RANGAP1: variants seen among roughly 807,000 people sequenced by gnomAD.
RANGAP1 encodes Ran GTPase activating protein 1.
A neutral mutation model predicts 63.5 loss-of-function variants in RANGAP1; 38 were observed. The observed-to-expected ratio is 0.60, with a 90% CI of 0.46 to 0.78. RANGAP1 has a LOEUF of 0.78. Ranked by LOEUF, RANGAP1 falls within the 30% of genes least tolerant of loss-of-function variation. RANGAP1 has a pLI of 0.00. For synonymous variants in RANGAP1, 329 were observed against 310.5 expected (o/e 1.06, Z -0.63); for missense variants, 630 against 740.3 (o/e 0.85, Z 1.73).
At chr22:41,299,543 T>C in the RANGAP1 span, among the ~76,000 whole-genome samples, 4 of 152,048 alleles carry the variant, frequency 2.6e-5, no homozygotes, top group African/African-American at 7.2e-5. Context: ...TGCTAGGATT[T>C]CAGATGTGAG....
chr22:41,283,995 T>C (rs2035625597), intron 1 of RANGAP1, among the ~76,000 whole-genome samples: 1 of 152,166 alleles, frequency 6.6e-6, no homozygotes, highest in Non-Finnish European at 1.5e-5. Context: ...ACACCTATAA[T>C]CCTAGTACTT....
rs144019704 is a variant in RANGAP1 at position 41,248,864 on chromosome 22, G to A, written c.1694+466C>T. On this transcript the variant is annotated intron_variant, in intron 15 of 15. Coordinates refer to ENST00000356244, the MANE Select transcript of RANGAP1 (RefSeq NM_002883.4). ...GCTCCCGTGGCAATGTGTGTCCCCA[G>A]GAGAGGGCCCGGGGCTGCAGAGCCT... is the stretch of plus-strand genomic sequence containing the variant. Among the ~76,000 whole-genome samples the A allele has an allele frequency of 2.1e-3, 327 of 152,366 alleles. 9 individuals carry two copies. The East Asian group carries it at 0.054, about 25-fold the overall frequency.
rs552492328 is a variant in RANGAP1, at chr22:41,277,399, C to G, written c.113-2672G>C. ...GGCCGAAAGTGAGGATATATTTTTT[C>G]CCTGTTCTTTGAATGTTTCTGTATT... On this transcript the variant is annotated intron_variant, in intron 2 of 15. Coordinates refer to ENST00000356244, the MANE Select transcript of RANGAP1 (RefSeq NM_002883.4). The G allele has an allele frequency of 3.6e-6, 4 of 1,106,334 alleles. No individual in the cohort carries two copies. In the African/African-American group the frequency reaches 6.5e-5, roughly 18 times the overall value. 68.5% of individuals were successfully genotyped at this position (1,106,334 alleles called of 1,614,324 possible).
At chr22:41,297,055 C>T in the RANGAP1 span, among the ~76,000 whole-genome samples, 3 of 152,002 alleles carry the variant, frequency 2.0e-5, no homozygotes, top group African/African-American at 7.2e-5. Context: ...ACCAAAAATA[C>T]AAACATTAGC....
intron 10 of RANGAP1, among the ~76,000 whole-genome samples, chr22:41,255,639 G>GC (rs1178714077): frequency 2.0e-5 from 3 of 149,530 alleles, no homozygotes; most frequent in Non-Finnish European, 4.4e-5. Context: ...GCCCCGCTCA[G>GC]CCCGTACGAG....
chr22:41,271,692 C>CAA (rs55943126), intron 3 of RANGAP1, among the ~76,000 whole-genome samples: 32 of 113,036 alleles, frequency 2.8e-4, no homozygotes, highest in African/African-American at 9.2e-4. Context: ...GACTCCGTCT[C>CAA]AAAAAAAAAA....
the RANGAP1 span, among the ~76,000 whole-genome samples, chr22:41,294,918 CGGGA>C: frequency 1.0e-5 from 1 of 97,012 alleles, no homozygotes; most frequent in Admixed American, 1.0e-4. Flanking sequence ...CCGCCCCATC[CGGGA>C]GGGAGGTGGG....
intron 1 of RANGAP1, 142 bp downstream of exon 1, chr22:41,285,844 C>G (rs2035725722): frequency 4.7e-6 from 2 of 427,940 alleles, no homozygotes; most frequent in African/African-American, 4.3e-5. Flanking sequence ...CCCACCGCCA[C>G]CCCTGGGGCG....
chr22:41,281,453 A>C, intron 1 of RANGAP1: 1 of 999,236 alleles, frequency 1.0e-6, no homozygotes, highest in Non-Finnish European at 1.2e-6. Flanking sequence ...GCCCAAGCAC[A>C]CACCTGCTTG....
intron 5 of RANGAP1, among the ~76,000 whole-genome samples, chr22:41,263,222 C>T (rs1404916574): frequency 6.6e-6 from 1 of 152,192 alleles, no homozygotes; most frequent in Non-Finnish European, 1.5e-5. Flanking sequence ...CCTCAGTTTC[C>T]AGGCACTGCT....
intron 13 of RANGAP1, among the ~76,000 whole-genome samples, chr22:41,250,502 G>A (rs1330292914): frequency 6.6e-6 from 1 of 152,220 alleles, no homozygotes; most frequent in Non-Finnish European, 1.5e-5. Flanking sequence ...AAGGTGACAG[G>A]TGCTGGAATG....
chr22:41,289,667 C>T (rs907371989), upstream of RANGAP1, among the ~76,000 whole-genome samples: 3 of 152,252 alleles, frequency 2.0e-5, no homozygotes, highest in South Asian at 4.1e-4. Context: ...CACTTATCTT[C>T]TCTCTTTCTC....
At chr22:41,260,854 G>GA (rs1318752649) in intron 6 of RANGAP1, among the ~76,000 whole-genome samples, 1 of 152,120 alleles carries the variant, frequency 6.6e-6, no homozygotes, top group African/African-American at 2.4e-5. Context: ...AAAAAAACAG[G>GA]AAAGAGAGGA....
In RANGAP1 at chr22:41,252,804, G is replaced by A. The variant is rs180753516; in HGVS notation, c.1380+68C>T. The A allele has an allele frequency of 3.0e-4, 441 of 1,450,192 alleles. 5 individuals are homozygous for A. In the East Asian group the frequency reaches 0.011, roughly 36 times the overall value. The allele number at this position is 1,450,192 out of a possible 1,614,324, so 89.8% of individuals were successfully genotyped here. On this transcript the variant is annotated intron_variant, in intron 12 of 15. Coordinates refer to ENST00000356244, the MANE Select transcript of RANGAP1 (RefSeq NM_002883.4). ...GCACCCCCAGGTCTCTGAGCTGTTC[G>A]TCCCTTTTCTCTAACAGCTCCAGAA...
At chr22:41,261,936 G>A (rs1167127821) in intron 5 of RANGAP1, among the ~76,000 whole-genome samples, 1 of 152,198 alleles carries the variant, frequency 6.6e-6, no homozygotes, top group Non-Finnish European at 1.5e-5. Context: ...AAGGCCCTCT[G>A]CTAGGTGGGA....
chr22:41,268,217 C>G (rs908431251), intron 3 of RANGAP1, 61 bp from the exon 4 acceptor site: 9 of 1,353,220 alleles, frequency 6.7e-6, no homozygotes, highest in Non-Finnish European at 8.3e-6. Context: ...CATAGTGAAG[C>G]CTCATCCTGG....
At chr22:41,251,204 G>C (rs1811220609) in intron 12 of RANGAP1, 95 bp from the exon 13 acceptor site, 11 of 934,142 alleles carry the variant, frequency 1.2e-5, no homozygotes, top group Non-Finnish European at 1.8e-5. Context: ...CAGTACAAAG[G>C]CCCCTGGCGG....
chr22:41,279,833 C>G (rs1288685333), intron 2 of RANGAP1, among the ~76,000 whole-genome samples: 1 of 149,376 alleles, frequency 6.7e-6, no homozygotes, highest in East Asian at 1.9e-4. Context: ...CACAGTGGCT[C>G]ACGCCTGTAA....
intron 11 of RANGAP1, among the ~76,000 whole-genome samples, chr22:41,254,011 G>A (rs767409092): frequency 6.6e-6 from 1 of 151,788 alleles, no homozygotes. Flanking sequence ...GGGAGGCTGA[G>A]GCATAAGAAT....
Sources: allele counts gnomAD v4.1 joint callset (sites outside exome capture counted in the v4.1 genomes callset), GRCh38; gene constraint gnomAD v4.1.1; transcripts MANE v1.5; gene names NCBI Gene and HGNC (gene_info 2026-07-23, HGNC 2026-07-21).